The following TRHDE variants were observed in gnomAD, a reference collection of about 807,000 sequenced individuals.
TRHDE encodes the protein thyrotropin-releasing hormone-degrading ectoenzyme.
A neutral mutation model predicts 125.7 loss-of-function variants in TRHDE; 72 were observed. That is an observed-to-expected ratio of 0.57 (90% CI 0.47 to 0.70). The LOEUF (loss-of-function observed/expected upper bound fraction) is 0.70. Ranked by LOEUF, TRHDE falls within the 30% of genes least tolerant of loss-of-function variation. The pLI is 0.00. For synonymous variants in TRHDE, 509 were observed against 509.1 expected (o/e 1.00, Z 0.00); for missense variants, 1,110 against 1,327.1 (o/e 0.84, Z 2.54).
chr12:72,116,497 T>C (rs1035431671), intron 2 of TRHDE, among the ~76,000 whole-genome samples: 16 of 152,292 alleles, frequency 1.1e-4, no homozygotes, highest in Admixed American at 5.2e-4. Context: ...AGCATTCCTA[T>C]TTCTCCATAT....
intron 3 of TRHDE, among the ~76,000 whole-genome samples, chr12:72,406,835 TGTG>T (rs1873285944): frequency 6.6e-6 from 1 of 152,204 alleles, no homozygotes; most frequent in Non-Finnish European, 1.5e-5. Context: ...TACTGCTAAA[TGTG>T]GTGTTAAAAT....
At chr12:72,496,065 T>C (rs1877901345) in intron 5 of TRHDE, among the ~76,000 whole-genome samples, 1 of 152,208 alleles carries the variant, frequency 6.6e-6, no homozygotes, top group Non-Finnish European at 1.5e-5. Flanking sequence ...ATTGTGCTGC[T>C]TTTTCAAAGT....
intron 2 of TRHDE, among the ~76,000 whole-genome samples, chr12:72,301,725 A>G (rs1400289373): frequency 1.3e-5 from 2 of 152,174 alleles, no homozygotes; most frequent in East Asian, 3.8e-4. Context: ...GTGCCTATCA[A>G]AGTGCTTGAC....
intron 6 of TRHDE, among the ~76,000 whole-genome samples, chr12:72,534,556 G>A (rs1416402002): frequency 5.3e-5 from 8 of 151,970 alleles, no homozygotes. Flanking sequence ...ACTCAATTTT[G>A]GGGGGCAGGG....
intron 2 of TRHDE, among the ~76,000 whole-genome samples, chr12:72,185,207 T>G (rs1354476829): frequency 6.6e-6 from 1 of 152,008 alleles, no homozygotes; most frequent in Non-Finnish European, 1.5e-5. Flanking sequence ...CTCCGGAGGG[T>G]GTACTGGGTC....
At chr12:72,135,862 A>ATTTT (rs544076259) in intron 2 of TRHDE, among the ~76,000 whole-genome samples, 2 of 147,378 alleles carry the variant, frequency 1.4e-5, no homozygotes, top group African/African-American at 5.0e-5. Flanking sequence ...ATTCTCTATG[A>ATTTT]TTTTTTTTTT....
chr12:72,187,183 C>A (rs927350874), intron 2 of TRHDE, among the ~76,000 whole-genome samples: 2 of 152,060 alleles, frequency 1.3e-5, no homozygotes, highest in Non-Finnish European at 2.9e-5. Flanking sequence ...CTTCTTATTT[C>A]ATTTGATCCT....
chr12:72,346,653 C>A (rs1870343359), intron 2 of TRHDE, among the ~76,000 whole-genome samples: 1 of 151,988 alleles, frequency 6.6e-6, no homozygotes, highest in Non-Finnish European at 1.5e-5. Flanking sequence ...CGAGTGCCAA[C>A]CTTAGAGCCT....
At chr12:72,089,435 G>A (rs186218827) in intron 1 of TRHDE, among the ~76,000 whole-genome samples, 9 of 152,224 alleles carry the variant, frequency 5.9e-5, no homozygotes, top group Non-Finnish European at 1.0e-4. Context: ...TTACTTCTCC[G>A]GCCTCATTAC....
At chr12:72,392,094 G>A (rs1340550238) in intron 3 of TRHDE, among the ~76,000 whole-genome samples, 1 of 152,094 alleles carries the variant, frequency 6.6e-6, no homozygotes, top group Non-Finnish European at 1.5e-5. Context: ...TATCAGCCAG[G>A]AACAGAGTCA....
chr12:72,172,370 C>T (rs1000163081), intron 2 of TRHDE, among the ~76,000 whole-genome samples: 6 of 152,132 alleles, frequency 3.9e-5, no homozygotes, highest in Non-Finnish European at 1.5e-5. Context: ...ATTAAATGTC[C>T]AAGCAAGTCT....
At chr12:72,169,586 G>A (rs1876826202) in intron 2 of TRHDE, among the ~76,000 whole-genome samples, 1 of 151,938 alleles carries the variant, frequency 6.6e-6, no homozygotes, top group Non-Finnish European at 1.5e-5. Context: ...TGGGTGCAAT[G>A]GCTCACACCT....
At chr12:72,652,517 T>G in intron 16 of TRHDE, 28 bp downstream of exon 16, 1 of 1,546,426 alleles carries the variant, frequency 6.5e-7, no homozygotes. Flanking sequence ...CTAAATGTGT[T>G]TCTCTAATGA....
At chr12:72,489,544 C>G (rs1024399329) in intron 5 of TRHDE, among the ~76,000 whole-genome samples, 8 of 151,662 alleles carry the variant, frequency 5.3e-5, no homozygotes, top group Non-Finnish European at 8.9e-5. Context: ...CCCAGGCAAT[C>G]TTCAGCAAAA....
At chr12:72,642,717 G>A (rs1218115899) in intron 15 of TRHDE, among the ~76,000 whole-genome samples, 4 of 152,042 alleles carry the variant, frequency 2.6e-5, no homozygotes, top group Non-Finnish European at 5.9e-5. Flanking sequence ...AAATGACTGT[G>A]GGAATATTCA....
intron 2 of TRHDE, among the ~76,000 whole-genome samples, chr12:72,250,330 A>G (rs189176479): frequency 3.7e-4 from 56 of 152,318 alleles, no homozygotes; most frequent in Non-Finnish European, 6.3e-4. Context: ...GAGAGAGGTC[A>G]TTAAAGGCTG....
intron 7 of TRHDE, among the ~76,000 whole-genome samples, chr12:72,554,759 G>A (rs886871471): frequency 5.3e-5 from 8 of 152,142 alleles, no homozygotes; most frequent in African/African-American, 1.9e-4. Context: ...TTTCATACCA[G>A]CAGCAAAAGT....
In TRHDE at chr12:72,661,627, T is replaced by C. The variant is rs1874921307; in HGVS notation, c.3067-1425T>C. Among the ~76,000 whole-genome samples the C allele has an allele frequency of 2.6e-5, 4 of 152,260 alleles. No individual in the cohort carries two copies. In the South Asian group the frequency reaches 8.3e-4, roughly 32 times the overall value. ...TGTGTTAATCAGATAAAGTTTAAAA[T>C]TATGATTCAAGTACTTCCATTAGAC... On this transcript the variant is annotated intron_variant, in intron 18 of 18. Transcript: ENST00000261180.
intron 12 of TRHDE, among the ~76,000 whole-genome samples, chr12:72,580,923 A>G (rs922746513): frequency 6.6e-6 from 1 of 152,232 alleles, no homozygotes; most frequent in African/African-American, 2.4e-5. Context: ...GAAAGCATTA[A>G]GGAGTAAAGA....
Sources: allele counts gnomAD v4.1 joint callset (sites outside exome capture counted in the v4.1 genomes callset), GRCh38; gene constraint gnomAD v4.1.1; transcripts MANE v1.5; gene names NCBI Gene and HGNC (gene_info 2026-07-23, HGNC 2026-07-21).